The following DACH2 variants were observed in gnomAD, a reference collection of about 807,000 sequenced individuals.
DACH2 encodes dachshund family transcription factor 2.
In DACH2, 17 loss-of-function variants were observed where a neutral mutation model predicts 35.8. The ratio of observed to expected loss-of-function variants is 0.48; its 90% CI spans 0.33 to 0.71. DACH2 has a LOEUF of 0.71. Ranked by LOEUF, DACH2 falls within the 30% of genes least tolerant of loss-of-function variation. The pLI is 0.02. For synonymous variants in DACH2, 195 were observed against 177.3 expected, an observed-to-expected ratio of 1.10 and a Z score of -0.79; for missense variants, 469 against 472.7, an observed-to-expected ratio of 0.99 and a Z score of 0.07.
intron 4 of DACH2, among the ~76,000 whole-genome samples, chrX:86,690,994 A>G (rs2041003930): frequency 8.9e-6 from 1 of 112,264 alleles, no homozygotes; most frequent in East Asian, 2.8e-4. Context: ...TCCATTTTCT[A>G]CATTATCTTT....
At chrX:86,829,429 A>T (rs931071895) in intron 11 of DACH2, 4 of 112,576 alleles carry the variant, frequency 3.6e-5, no homozygotes, top group African/African-American at 1.3e-4. Context: ...TTTTGTTTAA[A>T]TAAGTAGATA....
At chrX:86,450,822 A>G (rs1286352028) in intron 2 of DACH2, among the ~76,000 whole-genome samples, 1 of 110,453 alleles carries the variant, frequency 9.1e-6, no homozygotes, top group Non-Finnish European at 1.9e-5. Flanking sequence ...TATTGATCAG[A>G]GACGTTGAGC....
At chrX:86,653,469 C>G (rs146744037) in intron 4 of DACH2, among the ~76,000 whole-genome samples, 2 of 110,458 alleles carry the variant, frequency 1.8e-5, no homozygotes, top group African/African-American at 6.6e-5. Context: ...CATGAACCTC[C>G]CTGGGGGCTC....
At chrX:86,291,261 T>C (rs1476998125) in intron 1 of DACH2, among the ~76,000 whole-genome samples, 3 of 105,968 alleles carry the variant, frequency 2.8e-5, no homozygotes, top group Non-Finnish European at 3.9e-5. Context: ...TTGTGATTTT[T>C]GTACATTGAT....
chrX:86,493,814 T>A lies in DACH2; in HGVS notation c.528-20465T>A, dbSNP rs753582571. Reference sequence around the variant, plus strand: ...GTGTTTGTTACAAAACAGCGGCAGATAACAACTTCATAATAATAATACATT... The same window carrying A: ...GTGTTTGTTACAAAACAGCGGCAGAAAACAACTTCATAATAATAATACATT... On this transcript the variant is annotated intron_variant, in intron 2 of 11. Transcript: ENST00000373125. Among the ~76,000 whole-genome samples, 95 of 112,065 alleles carry A rather than the reference T, an allele frequency of 8.5e-4. No individual in the cohort carries two copies. In the South Asian group the frequency reaches 0.035, roughly 42 times the overall value.
In DACH2 at chrX:86,832,307, G is replaced by A. The variant is rs775818601; in HGVS notation, c.*152G>A. ...ATCTATGTTACATTAAAAAAGAAACGCGTGTACATTTTAAAAGCAATGATG... is the reference window on the plus strand; with the variant it reads ...ATCTATGTTACATTAAAAAAGAAACACGTGTACATTTTAAAAGCAATGATG... On this transcript the variant is annotated 3_prime_UTR_variant, in exon 12 of 12. Transcript: ENST00000373125. 87 of 459,726 alleles carry A rather than the reference G, an allele frequency of 1.9e-4. No homozygotes were observed. The highest frequency in any genetic ancestry group is 9.5e-4 in the African/African-American group (38 of 40,048). The allele number at this position is 459,726 out of a possible 1,213,427, so 37.9% of individuals were successfully genotyped here. A position where few individuals can be genotyped will look rare whatever the true frequency, so the allele number is the denominator to read the frequency against.
intron 2 of DACH2, among the ~76,000 whole-genome samples, chrX:86,514,029 T>G (rs1306022327): frequency 9.0e-6 from 1 of 111,697 alleles, no homozygotes; most frequent in Non-Finnish European, 1.9e-5. Context: ...CATTGCAAAG[T>G]GCTGGCCTGT....
In DACH2 at chrX:86,456,351, A is replaced by G. The variant is rs191374591; in HGVS notation, c.528-57928A>G. On this transcript the variant is annotated intron_variant, in intron 2 of 11. Transcript: ENST00000373125. ...TCTTTCCTGTTTTCTTAACATATCA[A>G]TTATAATTTTTAATTATTCTTTAGT... Among the ~76,000 whole-genome samples, 7 of 111,994 alleles carry G rather than the reference A, an allele frequency of 6.3e-5. No individual in the cohort carries two copies. The South Asian group carries it at 2.2e-3, about 35-fold the overall frequency.
chrX:86,286,001 G>GT (rs1300734299), intron 1 of DACH2, among the ~76,000 whole-genome samples: 3 of 325 alleles, frequency 9.2e-3, no homozygotes, highest in African/African-American at 0.019. Context: ...TGTTTGCCTT[G>GT]GATGGCATAT....
intron 3 of DACH2, among the ~76,000 whole-genome samples, chrX:86,520,490 C>T (rs1433836528): frequency 9.0e-6 from 1 of 111,272 alleles, no homozygotes; most frequent in Non-Finnish European, 1.9e-5. Flanking sequence ...TTGCCTAATA[C>T]TTTCATTGGA....
At chrX:86,305,284 G>T (rs147940416) in intron 1 of DACH2, among the ~76,000 whole-genome samples, 2 of 111,624 alleles carry the variant, frequency 1.8e-5, no homozygotes, top group African/African-American at 6.5e-5. Flanking sequence ...GCTCCTTAGC[G>T]GTCAGCCAGA....
chrX:86,763,236 G>A (rs1277775793), intron 7 of DACH2, among the ~76,000 whole-genome samples: 1 of 111,618 alleles, frequency 9.0e-6, no homozygotes, highest in Non-Finnish European at 1.9e-5. Context: ...AGTAGAATGA[G>A]TAAAAAAATC....
At chrX:86,401,425 G>A (rs770011322) in intron 2 of DACH2, among the ~76,000 whole-genome samples, 5 of 111,976 alleles carry the variant, frequency 4.5e-5, no homozygotes, top group East Asian at 5.7e-4. Flanking sequence ...AGATGAACCC[G>A]GTACCTCAGT....
chrX:86,245,179 G>A (rs546323043), intron 1 of DACH2, among the ~76,000 whole-genome samples: 6 of 111,540 alleles, frequency 5.4e-5, no homozygotes, highest in African/African-American at 1.3e-4. Context: ...CTTTGAAGAA[G>A]CATTGAAAAA....
At chrX:86,418,175 C>T (rs1424653813) in intron 2 of DACH2, among the ~76,000 whole-genome samples, 1 of 112,251 alleles carries the variant, frequency 8.9e-6, no homozygotes, top group Non-Finnish European at 1.9e-5. Flanking sequence ...GCTGCTTTCA[C>T]AGGCTAGCAT....
intron 3 of DACH2, among the ~76,000 whole-genome samples, chrX:86,603,983 C>T: frequency 9.0e-6 from 1 of 110,773 alleles, no homozygotes; most frequent in Middle Eastern, 4.7e-3. Flanking sequence ...TTTCTAGTTT[C>T]CTTAAATTAC....
chrX:86,198,818 C>T (rs1434809818), intron 1 of DACH2, among the ~76,000 whole-genome samples: 2 of 110,930 alleles, frequency 1.8e-5, no homozygotes, highest in Non-Finnish European at 3.8e-5. Context: ...AGAATCACAG[C>T]TGAATTCTAT....
At chrX:86,445,577 A>AAAAAG (rs1263932254) in intron 2 of DACH2, among the ~76,000 whole-genome samples, 1 of 102,660 alleles carries the variant, frequency 9.7e-6, no homozygotes, top group Admixed American at 1.1e-4. Flanking sequence ...AAAAAAAAAA[A>AAAAAG]AAAAGAAATT....
At chrX:86,726,432 T>C (rs761806182) in intron 6 of DACH2, among the ~76,000 whole-genome samples, 11 of 110,859 alleles carry the variant, frequency 9.9e-5, no homozygotes, top group Non-Finnish European at 1.9e-4. Context: ...CTGTAGAAAG[T>C]GAAGTCTGCT....
Sources: gnomAD v4.1 joint callset for allele counts (sites outside exome capture counted in the v4.1 genomes callset) on GRCh38, gnomAD v4.1.1 for gene constraint, MANE v1.5 for transcripts, NCBI Gene and HGNC (gene_info 2026-07-23, HGNC 2026-07-21) for gene names.